The following ZMYM4 variants were observed in gnomAD, a reference collection of about 807,000 sequenced individuals.
ZMYM4 encodes zinc finger MYM-type containing 4.
A neutral mutation model predicts 183.2 loss-of-function variants in ZMYM4; 31 were observed. The ratio of observed to expected loss-of-function variants is 0.17; its 90% CI spans 0.13 to 0.23. The LOEUF is 0.23. Ranked by LOEUF, ZMYM4 falls within the 10% of genes least tolerant of loss-of-function variation. The pLI is 1.00. For synonymous variants in ZMYM4, 592 were observed against 631.2 expected (o/e 0.94, Z 0.93); for missense variants, 1,273 against 1,840.3 (o/e 0.69, Z 5.64).
intron 2 of ZMYM4, among the ~76,000 whole-genome samples, chr1:35,348,091 C>T (rs1643465597): frequency 6.6e-6 from 1 of 152,100 alleles, no homozygotes; most frequent in Admixed American, 6.6e-5. Context: ...GTCTGTTGTA[C>T]TTGTTCTCAT....
At chr1:35,296,705 C>A (rs999996953) in intron 1 of ZMYM4, among the ~76,000 whole-genome samples, 2 of 152,092 alleles carry the variant, frequency 1.3e-5, no homozygotes, top group African/African-American at 4.8e-5. Context: ...GAAGGCTATT[C>A]TTTTTAGATA....
At chr1:35,272,950 G>A (rs1427079535) in intron 1 of ZMYM4, among the ~76,000 whole-genome samples, 1 of 152,046 alleles carries the variant, frequency 6.6e-6, no homozygotes, top group Non-Finnish European at 1.5e-5. Flanking sequence ...TCCTGACCTC[G>A]TGATCCACCC....
rs754564872 is a variant in ZMYM4 at position 35,398,890 on chromosome 1, C to A, written c.3280C>A (p.Leu1094Ile). ...KDQGSTYSGDLESEAVSTPHS... is the reference protein window; with the variant it reads ...KDQGSTYSGDIESEAVSTPHS... Reference sequence around the variant, plus strand: ...CCAAGGAAGTACATACAGTGGTGATCTTGAATCAGAGGCAGTATCTACTCC... The same window carrying A: ...CCAAGGAAGTACATACAGTGGTGATATTGAATCAGAGGCAGTATCTACTCC... The change falls in exon 22 of 30, where the codon CTT becomes ATT. Residue 1094 changes from leucine to isoleucine, a missense_variant. Transcript: ENST00000314607. 2 of 1,613,946 alleles carry A rather than the reference C, an allele frequency of 1.2e-6. No homozygotes were observed. Among genetic ancestry groups the A allele is most frequent in the Non-Finnish European group, 1.7e-6 (2 of 1,179,980 alleles).
chr1:35,275,465 G>A (rs1241334760), intron 1 of ZMYM4, among the ~76,000 whole-genome samples: 3 of 152,078 alleles, frequency 2.0e-5, no homozygotes, highest in Admixed American at 6.6e-5. Flanking sequence ...CTGACCTCAT[G>A]ATCTGCCCGC....
chr1:35,361,306 GTTTT>G, intron 4 of ZMYM4, 51 bp downstream of exon 4: 1 of 1,513,278 alleles, frequency 6.6e-7, no homozygotes. Flanking sequence ...AAGTGTCAAA[GTTTT>G]CTTTATGTCA....
Position 35,389,754 on chromosome 1 carries a change from CA to C in ZMYM4, c.2437-179del, listed in dbSNP as rs1173420649. Among the ~76,000 whole-genome samples the C allele has an allele frequency of 0.018, 1,625 of 91,530 alleles. 35 individuals are homozygous for C. Among genetic ancestry groups the C allele is most frequent in the African/African-American group, 0.047 (1,272 of 27,056 alleles). 60.0% of individuals were successfully genotyped at this position (91,530 alleles called of 152,430 possible). ...TGGGCGATAGAGCAAGGCTCTGTCTCAAAAAAAAAAAAAAATATATATATAT... is the reference window on the plus strand; with the variant it reads ...TGGGCGATAGAGCAAGGCTCTGTCTCAAAAAAAAAAAAAATATATATATAT... On this transcript the variant is annotated intron_variant, in intron 14 of 29. Coordinates refer to ENST00000314607, the MANE Select transcript of ZMYM4 (RefSeq NM_005095.3). The surrounding 1 kb of genome is among the most constrained non-coding windows in gnomAD (Gnocchi z 4.0).
At chr1:35,275,082 A>C (rs1639804156) in intron 1 of ZMYM4, among the ~76,000 whole-genome samples, 2 of 152,218 alleles carry the variant, frequency 1.3e-5, no homozygotes, top group African/African-American at 4.8e-5. Flanking sequence ...CATTAAGTTA[A>C]CTTGTTCCCT....
chr1:35,398,397 TTTTC>T lies in ZMYM4; in HGVS notation c.3200-12_3200-9del. On this transcript the variant is annotated splice_polypyrimidine_tract_variant and intron_variant, in intron 20 of 29. Transcript: ENST00000314607. ...GTCTAAACATAAATTATTTATGTGC[TTTTC>T]TTTTTCTTTAGAGTCCCAAACTTCT... is the stretch of plus-strand genomic sequence containing the variant. 2 of 1,603,714 alleles carry T rather than the reference TTTTC, an allele frequency of 1.2e-6. No individual in the cohort carries two copies. Among genetic ancestry groups the T allele is most frequent in the Non-Finnish European group, 8.5e-7 (1 of 1,175,920 alleles).
chr1:35,358,060 C>T (rs1643870986), intron 2 of ZMYM4, among the ~76,000 whole-genome samples: 1 of 152,030 alleles, frequency 6.6e-6, no homozygotes, highest in Non-Finnish European at 1.5e-5. Flanking sequence ...TTGCTTTGAC[C>T]ATTAGGAGAT....
intron 2 of ZMYM4, among the ~76,000 whole-genome samples, chr1:35,334,244 G>A (rs959984816): frequency 2.0e-5 from 3 of 152,022 alleles, no homozygotes; most frequent in African/African-American, 7.2e-5. Flanking sequence ...GCTTGAGCCC[G>A]GGAGTTCGAG....
chr1:35,397,194 T>C (rs913139103), intron 19 of ZMYM4, 183 bp from the exon 20 acceptor site: 18 of 1,072,682 alleles, frequency 1.7e-5, no homozygotes, highest in African/African-American at 6.5e-5. Flanking sequence ...AAAGCACTTA[T>C]TGAAATTTTA....
intron 2 of ZMYM4, among the ~76,000 whole-genome samples, chr1:35,354,022 A>C (rs1370583744): frequency 1.3e-5 from 2 of 152,060 alleles, no homozygotes; most frequent in East Asian, 3.9e-4. Context: ...GGTGACATAC[A>C]TCTGTGGTCT....
intron 1 of ZMYM4, among the ~76,000 whole-genome samples, chr1:35,275,263 A>G (rs1441442452): frequency 6.6e-6 from 1 of 151,384 alleles, no homozygotes; most frequent in Non-Finnish European, 1.5e-5. Flanking sequence ...TTTTTTTGAG[A>G]CAGAGTCTTG....
At chr1:35,305,431 C>A (rs1641491623) in intron 1 of ZMYM4, among the ~76,000 whole-genome samples, 2 of 151,744 alleles carry the variant, frequency 1.3e-5, no homozygotes, top group South Asian at 4.2e-4. Flanking sequence ...ATTCTTTTTT[C>A]TTTCTGTTTT....
At position 35,295,146 on chromosome 1, in the gene ZMYM4, T is replaced by C. The variant is rs762034827; in HGVS notation, c.39+26061T>C. Among the ~76,000 whole-genome samples, 4 of 152,198 alleles carry C rather than the reference T, an allele frequency of 2.6e-5. No homozygotes were observed. The East Asian group carries it at 5.8e-4, about 22-fold the overall frequency. ...GAATAACTGCTAAACAAATAATTAA[T>C]GTACAACATTTTAAATAAAACATTT... On this transcript the variant is annotated intron_variant, in intron 1 of 29. Transcript: ENST00000314607.
intron 23 of ZMYM4, among the ~76,000 whole-genome samples, chr1:35,403,514 G>A (rs1263178821): frequency 6.6e-6 from 1 of 152,006 alleles, no homozygotes; most frequent in East Asian, 1.9e-4. Flanking sequence ...TTGAACTCCT[G>A]GCCTCAAGTG....
chr1:35,415,380 A>T, intron 27 of ZMYM4, 86 bp from the exon 28 acceptor site: 1 of 1,540,454 alleles, frequency 6.5e-7, no homozygotes, highest in African/African-American at 1.4e-5. Flanking sequence ...TTCTCTTTAT[A>T]TCTCCCTGTC....
At chr1:35,290,064 C>G (rs1426349678) in intron 1 of ZMYM4, among the ~76,000 whole-genome samples, 1 of 152,024 alleles carries the variant, frequency 6.6e-6, no homozygotes. Flanking sequence ...GGCTTCCGGG[C>G]TCAAGTGATT....
intron 1 of ZMYM4, among the ~76,000 whole-genome samples, chr1:35,269,378 G>C (rs1032796639): frequency 6.6e-6 from 1 of 152,054 alleles, no homozygotes; most frequent in Non-Finnish European, 1.5e-5. Flanking sequence ...GGAGGTGTCA[G>C]ATTCTTAAGT....
Sources: allele counts gnomAD v4.1 joint callset (sites outside exome capture counted in the v4.1 genomes callset), GRCh38; gene constraint gnomAD v4.1.1; non-coding constraint Gnocchi (gnomAD v3.1); transcripts MANE v1.5; gene names NCBI Gene and HGNC (gene_info 2026-07-23, HGNC 2026-07-21).